Variants in MCF2L2 observed in about 807,000 individuals in gnomAD.
The protein encoded by MCF2L2 is probable guanine nucleotide exchange factor MCF2L2.
MCF2L2 carries 102 observed loss-of-function variants against 150.2 expected under a neutral mutation model. That is an observed-to-expected ratio of 0.68 (90% CI 0.58 to 0.80). The LOEUF (loss-of-function observed/expected upper bound fraction) is 0.80, where lower values mean the gene tolerates loss of function less well. MCF2L2 is among the 30% of genes least tolerant of loss of function. The pLI is 0.00. For missense variants in MCF2L2, 1,256 were observed against 1,372.8 expected, an observed-to-expected ratio of 0.91 and a Z score of 1.34; for synonymous variants, 465 against 491.3, an observed-to-expected ratio of 0.95 and a Z score of 0.71.
Position 183,267,620 on chromosome 3 carries a change from C to T in MCF2L2, c.1862+9252G>A, listed in dbSNP as rs571615304. ...GGCTCAGCCTACACGGCTCTCTCCC[C>T]GTCAGTCCTGTCCAAAGCCCAGGAA... On this transcript the variant is annotated intron_variant, in intron 15 of 29. Transcript: ENST00000328913. This position sits in a 1 kb window ranked among gnomAD's most constrained non-coding sequence, Gnocchi z 5.5. Among the ~76,000 whole-genome samples, 19 of 152,364 alleles carry T rather than the reference C, an allele frequency of 1.2e-4. No individual in the cohort carries two copies. The highest frequency in any genetic ancestry group is 3.4e-4 in the African/African-American group (14 of 41,586).
Position 183,276,789 on chromosome 3 carries a change from G to T in MCF2L2, c.1862+83C>A, listed in dbSNP as rs1727175170. The T allele has an allele frequency of 4.6e-6, 4 of 876,916 alleles. No homozygotes were observed. In the African/African-American group the frequency reaches 5.0e-5, roughly 11 times the overall value. 54.3% of individuals were successfully genotyped at this position (876,916 alleles called of 1,614,324 possible). ...TATGATTCTTATCTGGGAAAGACAG[G>T]TGCTGAGGTGTAAAAGAGAGGATCC... is the stretch of plus-strand genomic sequence containing the variant. On this transcript the variant is annotated intron_variant, in intron 15 of 29. Coordinates refer to ENST00000328913, the MANE Select transcript of MCF2L2 (RefSeq NM_015078.4).
chr3:183,261,100 T>G (rs1725537322), intron 15 of MCF2L2, among the ~76,000 whole-genome samples: 2 of 152,350 alleles, frequency 1.3e-5, no homozygotes, highest in African/African-American at 4.8e-5. Flanking sequence ...TCACATTGCC[T>G]CCTTCCTCCT....
At chr3:183,208,413 C>T (rs900264791) in intron 22 of MCF2L2, among the ~76,000 whole-genome samples, 1 of 152,162 alleles carries the variant, frequency 6.6e-6, no homozygotes, top group African/African-American at 2.4e-5. Context: ...CAGAGTGAGT[C>T]AACAGTGCCA....
In MCF2L2 at chr3:183,188,006, G is replaced by A. The variant is rs551060837; in HGVS notation, c.3016+4993C>T. Among the ~76,000 whole-genome samples, 14 of 152,302 alleles carry A rather than the reference G, an allele frequency of 9.2e-5. No individual in the cohort carries two copies. The South Asian group carries it at 2.9e-3, about 32-fold the overall frequency. On this transcript the variant is annotated intron_variant, in intron 27 of 29. Coordinates refer to ENST00000328913, the MANE Select transcript of MCF2L2 (RefSeq NM_015078.4). ...GTCCTAGTCGTGGTGAGGAGGTAGGGCTGCTGCTTAACAAAGGCCGAGAGG... is the reference window on the plus strand; with the variant it reads ...GTCCTAGTCGTGGTGAGGAGGTAGGACTGCTGCTTAACAAAGGCCGAGAGG...
chr3:183,315,416 A>C (rs1016968397), intron 7 of MCF2L2, among the ~76,000 whole-genome samples: 6 of 152,250 alleles, frequency 3.9e-5, no homozygotes, highest in Non-Finnish European at 5.9e-5. Flanking sequence ...GCTGCATGGA[A>C]TATAAATGCA....
At chr3:183,376,933 C>T (rs1713219854) in intron 3 of MCF2L2, 1 of 152,220 alleles carries the variant, frequency 6.6e-6, no homozygotes, top group South Asian at 2.1e-4. Context: ...ATTCCATCTT[C>T]TCCTCTTAAG....
At chr3:183,239,460 C>T (rs1307765886) in intron 15 of MCF2L2, among the ~76,000 whole-genome samples, 2 of 134,496 alleles carry the variant, frequency 1.5e-5, no homozygotes, top group African/African-American at 5.3e-5. Context: ...AAGGAATATG[C>T]TAAAAAAAAA....
intron 11 of MCF2L2, chr3:183,298,236 C>G (rs1728640084): frequency 6.6e-6 from 1 of 152,142 alleles, no homozygotes; most frequent in African/African-American, 2.4e-5. Context: ...GACACTTGAA[C>G]AGAAAGACAG....
chr3:183,214,525 A>G (rs1486082026), intron 22 of MCF2L2, among the ~76,000 whole-genome samples: 4 of 152,160 alleles, frequency 2.6e-5, no homozygotes, highest in Admixed American at 1.3e-4. Flanking sequence ...AATAACTTTC[A>G]TGGTTTGATT....
At position 183,341,631 on chromosome 3, in the gene MCF2L2, C is replaced by CTTCTT; in HGVS notation, c.276-2_276-1insAAGAA. On this transcript the variant is annotated splice_acceptor_variant, in intron 3 of 29. Coordinates refer to ENST00000328913, the MANE Select transcript of MCF2L2 (RefSeq NM_015078.4). LOFTEE classifies it high-confidence loss of function. ...GAATCCAATGCTGGCAGCCTCCACA[C>CTTCTT]TGCAAAGAAGGGTGGTCAGTGTCAG... The CTTCTT allele has an allele frequency of 6.2e-7, 1 of 1,611,572 alleles. No individual in the cohort carries two copies. The highest frequency in any genetic ancestry group is 8.5e-7 in the Non-Finnish European group (1 of 1,177,616).
chr3:183,349,041 T>C (rs963365464), intron 3 of MCF2L2, among the ~76,000 whole-genome samples: 1 of 152,204 alleles, frequency 6.6e-6, no homozygotes, highest in African/African-American at 2.4e-5. Flanking sequence ...CAAATGCTCA[T>C]GGAATATTTA....
chr3:183,369,666 C>G (rs1313835799), intron 3 of MCF2L2, among the ~76,000 whole-genome samples: 1 of 152,182 alleles, frequency 6.6e-6, no homozygotes, highest in African/African-American at 2.4e-5. Flanking sequence ...TGGCAGGAGG[C>G]TATGCTTCCC....
At chr3:183,362,113 T>TA (rs1241411783) in intron 3 of MCF2L2, among the ~76,000 whole-genome samples, 1 of 151,902 alleles carries the variant, frequency 6.6e-6, no homozygotes, top group East Asian at 1.9e-4. Context: ...CAAGAACTTT[T>TA]TTTTTTTTTG....
chr3:183,309,457 G>C (rs908739416), intron 10 of MCF2L2, among the ~76,000 whole-genome samples: 1 of 152,026 alleles, frequency 6.6e-6, no homozygotes, highest in Non-Finnish European at 1.5e-5. Context: ...GAGAGGGCAG[G>C]GCTGGTCCAG....
chr3:183,316,507 G>C (rs1729610394), intron 7 of MCF2L2, among the ~76,000 whole-genome samples: 2 of 151,690 alleles, frequency 1.3e-5, no homozygotes, highest in South Asian at 4.2e-4. Flanking sequence ...ACCATGCCCA[G>C]CTAATTTTTG....
rs779201489 is a variant in MCF2L2, at chr3:183,402,451, CAAAA to C, written c.77-12676_77-12673del. ...CCTGGGCTACAGAGCGAGACTCCAT[CAAAA>C]AAAAAAAAAAAAAAAAAAGAATATA... On this transcript the variant is annotated intron_variant, in intron 1 of 29. Transcript: ENST00000328913. Among the ~76,000 whole-genome samples the C allele has an allele frequency of 5.1e-4, 28 of 54,772 alleles. 1 individual carries two copies. Among genetic ancestry groups the C allele is most frequent in the South Asian group, 9.1e-4 (1 of 1,100 alleles). The allele number at this position is 54,772 out of a possible 152,430, so 35.9% of individuals were successfully genotyped here.
intron 14 of MCF2L2, among the ~76,000 whole-genome samples, chr3:183,277,951 G>A (rs1017580254): frequency 1.3e-5 from 2 of 149,704 alleles, no homozygotes; most frequent in Admixed American, 6.7e-5. Flanking sequence ...TTAGGAGGCT[G>A]AGGTCAGTGG....
In MCF2L2 at chr3:183,339,595, T is replaced by C. The variant is rs1325405133; in HGVS notation, c.367-676A>G. 3.3e-5 allele frequency among the ~76,000 whole-genome samples: 5 copies of C among 152,172 alleles called. No individual in the cohort carries two copies. In the East Asian group the frequency reaches 9.6e-4, roughly 29 times the overall value. On this transcript the variant is annotated intron_variant, in intron 4 of 29. Transcript: ENST00000328913. ...GTTCGTATTTTAAGTATTCTTGATG[T>C]ATATTATTGCTAAGTTGCTTTCAGA...
chr3:183,272,295 G>A, intron 15 of MCF2L2: 1 of 1,000,236 alleles, frequency 1.0e-6, no homozygotes, highest in Non-Finnish European at 1.2e-6. Context: ...TCTACTGCTA[G>A]GGAGATTATA....
Sources: gnomAD v4.1 joint callset for allele counts (sites outside exome capture counted in the v4.1 genomes callset) on GRCh38, gnomAD v4.1.1 for gene constraint, Gnocchi (gnomAD v3.1) non-coding constraint, MANE v1.5 for transcripts, NCBI Gene and HGNC (gene_info 2026-07-23, HGNC 2026-07-21) for gene names.